UBE2O: variants seen among roughly 807,000 people sequenced by gnomAD.
UBE2O encodes the protein (E3-independent) E2 ubiquitin-conjugating enzyme.
In UBE2O, 15 loss-of-function variants were observed where a neutral mutation model predicts 125.8. That is an observed-to-expected ratio of 0.12 (90% CI 0.08 to 0.18). The LOEUF is 0.18. Among genes scored for constraint, UBE2O ranks in the 10% least tolerant of loss-of-function variants. UBE2O has a pLI of 1.00. For synonymous variants in UBE2O, 708 were observed against 703.2 expected (o/e 1.01, Z -0.11); for missense variants, 1,280 against 1,723.6 (o/e 0.74, Z 4.56).
chr17:76,423,693 A>AAAATAAATAAAT (rs74941845), intron 1 of UBE2O, among the ~76,000 whole-genome samples: 21,478 of 135,692 alleles, frequency 0.16, 1,843 homozygotes, highest in East Asian at 0.31. Context: ...ACTCCATCTC[A>AAAATAAATAAAT]AAATAAATAA....
chr17:76,405,404 C>A lies in UBE2O; in HGVS notation c.478-88G>T. ...CAGCCCAGGCAACCCCAGCGCACCC[C>A]CTGCAGAGCTGGCCAGTTCTCCCAC... On this transcript the variant is annotated intron_variant, in intron 2 of 17. Coordinates refer to ENST00000319380, the MANE Select transcript of UBE2O (RefSeq NM_022066.4). The surrounding 1 kb of genome is among the most constrained non-coding windows in gnomAD (Gnocchi z 6.1). 6.7e-7 allele frequency: 1 copy of A among 1,500,932 alleles called. No individual in the cohort carries two copies. The allele number at this position is 1,500,932 out of a possible 1,614,324, so 93.0% of individuals were successfully genotyped here.
intron 1 of UBE2O, among the ~76,000 whole-genome samples, chr17:76,447,228 A>C (rs1041951913): frequency 7.2e-5 from 11 of 152,230 alleles, no homozygotes; most frequent in African/African-American, 2.4e-4. Context: ...TCCTGAACTT[A>C]AGTATTCTCA....
intron 1 of UBE2O, among the ~76,000 whole-genome samples, chr17:76,419,270 T>A (rs1598604812): frequency 2.2e-5 from 2 of 91,254 alleles, no homozygotes; most frequent in African/African-American, 9.5e-5. Flanking sequence ...GGTGACAGAG[T>A]AAGACCCTAT....
At chr17:76,407,315 A>C (rs1018736617) in intron 1 of UBE2O, among the ~76,000 whole-genome samples, 1 of 152,214 alleles carries the variant, frequency 6.6e-6, no homozygotes, top group Non-Finnish European at 1.5e-5. Context: ...TGCTGGCGTG[A>C]CGGTGCCACT....
In UBE2O at chr17:76,398,119, G is replaced by A. The variant is rs1003678377; in HGVS notation, c.2025+136C>T. On this transcript the variant is annotated intron_variant, in intron 12 of 17. Transcript: ENST00000319380. The surrounding 1 kb of genome is among the most constrained non-coding windows in gnomAD (Gnocchi z 5.4). ...TGAGCGGCAGCTTGACTCTGGGGCA[G>A]CTGCCCTTCTGAGGACACTGAGCCC... is the stretch of plus-strand genomic sequence containing the variant. 1.5e-5 allele frequency: 19 copies of A among 1,240,438 alleles called. No individual in the cohort carries two copies. In the African/African-American group the frequency reaches 2.7e-4, roughly 17 times the overall value. The allele number at this position is 1,240,438 out of a possible 1,614,324, so 76.8% of individuals were successfully genotyped here.
Position 76,398,364 on chromosome 17 carries a change from T to A in UBE2O, c.1916A>T (p.Asp639Val). 1 of 1,614,016 alleles carries A rather than the reference T, an allele frequency of 6.2e-7. No homozygotes were observed. Among genetic ancestry groups the A allele is most frequent in the Non-Finnish European group, 8.5e-7 (1 of 1,180,008 alleles). The change falls in exon 12 of 18, where the codon GAT becomes GTT. Residue 639 changes from aspartate (D) to valine (V), a missense_variant. Physicochemically the swap from Asp to Val is radical, Grantham distance 152 (BLOSUM62 -3). Transcript: ENST00000319380. This position sits in a 1 kb window ranked among gnomAD's most constrained non-coding sequence, Gnocchi z 5.4. ...DDVELIGEEE[D>V]VSVYDIADHP... The stretch of plus-strand genomic sequence containing the variant: ...GTCAGCAATGTCGTAAACACTCACA[T>A]CTTCCTCTTCTCCAATCAGCTGTGG...
chr17:76,430,619 T>C, intron 1 of UBE2O: 1 of 333,214 alleles, frequency 3.0e-6, no homozygotes, highest in Non-Finnish European at 6.2e-6. Flanking sequence ...AAGTGTTATC[T>C]GTCAAAGCAA....
intron 1 of UBE2O, among the ~76,000 whole-genome samples, chr17:76,442,382 C>T (rs915558592): frequency 2.6e-5 from 4 of 152,280 alleles, no homozygotes; most frequent in Non-Finnish European, 5.9e-5. Context: ...GGGTGGGAGA[C>T]AGAGTGGTCT....
At chr17:76,449,869 G>A (rs999804138) in intron 1 of UBE2O, among the ~76,000 whole-genome samples, 1 of 152,096 alleles carries the variant, frequency 6.6e-6, no homozygotes, top group Non-Finnish European at 1.5e-5. Flanking sequence ...GCGGTGAGCC[G>A]AGCTGGCGCC....
At chr17:76,392,227 AG>A (rs1249772482) in intron 15 of UBE2O, 114 bp from the exon 16 acceptor site, 2 of 627,722 alleles carry the variant, frequency 3.2e-6, no homozygotes, top group Non-Finnish European at 5.2e-6. Context: ...CAGATCACGC[AG>A]GAAGAGCAGC....
chr17:76,391,903 T>A lies in UBE2O; in HGVS notation c.3150+7A>T. ...CTTCTTGGCTGGGGGCCTGGCCCTA[T>A]ACTCACCTTTCCAATCCAGGTGCCC... On this transcript the variant is annotated splice_region_variant and intron_variant, in intron 16 of 17. Coordinates refer to ENST00000319380, the MANE Select transcript of UBE2O (RefSeq NM_022066.4). The surrounding 1 kb of genome is among the most constrained non-coding windows in gnomAD (Gnocchi z 8.4). 6.2e-7 allele frequency: 1 copy of A among 1,613,548 alleles called. No homozygotes were observed. The highest frequency in any genetic ancestry group is 8.5e-7 in the Non-Finnish European group (1 of 1,179,786).
chr17:76,419,742 A>G (rs1376501520), intron 1 of UBE2O, among the ~76,000 whole-genome samples: 1 of 152,230 alleles, frequency 6.6e-6, no homozygotes, highest in African/African-American at 2.4e-5. Flanking sequence ...CCTGGTGGAC[A>G]TGGTTTCGCC....
rs2143687954 is a variant in UBE2O, at chr17:76,396,928, CTCA to C, written c.2116-110_2116-108del. ...ATCCGCACAGCTGATGGCGACTGGG[CTCA>C]TGAGGCCTTGGCAACCTCATTCCAC... On this transcript the variant is annotated intron_variant, in intron 13 of 17. Transcript: ENST00000319380. The surrounding 1 kb of genome is among the most constrained non-coding windows in gnomAD (Gnocchi z 6.7). 5.0e-6 allele frequency: 5 copies of C among 995,220 alleles called. No individual in the cohort carries two copies. In the South Asian group the frequency reaches 8.2e-5, roughly 16 times the overall value. The allele number at this position is 995,220 out of a possible 1,614,324, so 61.6% of individuals were successfully genotyped here.
chr17:76,449,173 C>T (rs905510594), intron 1 of UBE2O, among the ~76,000 whole-genome samples: 2 of 152,260 alleles, frequency 1.3e-5, no homozygotes, highest in Admixed American at 6.5e-5. Context: ...TCACTAAAAA[C>T]TTGAGACTAA....
intron 1 of UBE2O, among the ~76,000 whole-genome samples, chr17:76,439,952 A>T (rs1223481052): frequency 6.6e-6 from 1 of 152,208 alleles, no homozygotes; most frequent in Non-Finnish European, 1.5e-5. Context: ...GCATGTGTGC[A>T]ATCTGCCATT....
At chr17:76,432,640 G>C (rs1436690175) in intron 1 of UBE2O, among the ~76,000 whole-genome samples, 1 of 152,150 alleles carries the variant, frequency 6.6e-6, no homozygotes, top group African/African-American at 2.4e-5. Flanking sequence ...GGCTAGCACA[G>C]ATCCCAATGA....
chr17:76,405,634 C>T lies in UBE2O; in HGVS notation c.418-62G>A. The T allele has an allele frequency of 7.1e-7, 1 of 1,417,752 alleles. No homozygotes were observed. The highest frequency in any genetic ancestry group is 9.7e-7 in the Non-Finnish European group (1 of 1,025,874). 87.8% of individuals were successfully genotyped at this position (1,417,752 alleles called of 1,614,324 possible). On this transcript the variant is annotated intron_variant, in intron 1 of 17. Coordinates refer to ENST00000319380, the MANE Select transcript of UBE2O (RefSeq NM_022066.4). This position sits in a 1 kb window ranked among gnomAD's most constrained non-coding sequence, Gnocchi z 6.1. Reference sequence around the variant, plus strand: ...TGAAGCCACCACAGAATACAGTTTTCTTCCAGCTTCTGAAGGAAAGCGTCA... The same window carrying T: ...TGAAGCCACCACAGAATACAGTTTTTTTCCAGCTTCTGAAGGAAAGCGTCA...
intron 1 of UBE2O, among the ~76,000 whole-genome samples, chr17:76,429,595 T>C (rs1457484047): frequency 7.4e-6 from 1 of 134,432 alleles, no homozygotes; most frequent in Non-Finnish European, 1.6e-5. Context: ...AAAAAGATGA[T>C]AGAAACCCTG....
At chr17:76,423,139 C>T (rs964368249) in intron 1 of UBE2O, among the ~76,000 whole-genome samples, 1 of 152,074 alleles carries the variant, frequency 6.6e-6, no homozygotes, top group Non-Finnish European at 1.5e-5. Flanking sequence ...TCAGGAACTA[C>T]GGCTGAAGAG....
Sources: allele counts gnomAD v4.1 joint callset (sites outside exome capture counted in the v4.1 genomes callset), GRCh38; gene constraint gnomAD v4.1.1; non-coding constraint Gnocchi (gnomAD v3.1); transcripts MANE v1.5; gene names NCBI Gene and HGNC (gene_info 2026-07-23, HGNC 2026-07-21).